MAML2: variants seen among roughly 807,000 people sequenced by gnomAD.
MAML2 encodes mastermind like transcriptional coactivator 2, also known as mastermind-like protein 2.
A neutral mutation model predicts 96.1 loss-of-function variants in MAML2; 22 were observed. That is an observed-to-expected ratio of 0.23 (90% CI 0.16 to 0.33). MAML2 has a LOEUF of 0.33. MAML2 is among the 10% of genes least tolerant of loss of function. MAML2 has a pLI of 1.00. For missense variants in MAML2, 1,367 were observed against 1,392.4 expected (o/e 0.98, Z 0.29); for synonymous variants, 561 against 521.3 (o/e 1.08, Z -1.04).
At chr11:96,192,661 T>C (rs1251597501) in intron 1 of MAML2, among the ~76,000 whole-genome samples, 1 of 152,210 alleles carries the variant, frequency 6.6e-6, no homozygotes, top group Non-Finnish European at 1.5e-5. Context: ...GTCTATATGC[T>C]AGCATTCCTT....
At chr11:96,145,960 G>T (rs1258738724) in intron 1 of MAML2, among the ~76,000 whole-genome samples, 1 of 152,040 alleles carries the variant, frequency 6.6e-6, no homozygotes, top group Non-Finnish European at 1.5e-5. Context: ...AGTGAACCAA[G>T]ATCATGCCAC....
chr11:96,194,777 AG>A (rs1861704717), intron 1 of MAML2, among the ~76,000 whole-genome samples: 1 of 149,450 alleles, frequency 6.7e-6, no homozygotes, highest in Non-Finnish European at 1.5e-5. Context: ...CAGGAAGAAA[AG>A]GCACCACCGA....
intron 2 of MAML2, among the ~76,000 whole-genome samples, chr11:96,039,337 GGAGAGGA>G: frequency 7.0e-6 from 1 of 142,606 alleles, no homozygotes. Flanking sequence ...GGAGGGGAGG[GGAGAGGA>G]GAGAGGAGAC....
At chr11:96,134,949 G>A (rs1439346621) in intron 1 of MAML2, among the ~76,000 whole-genome samples, 2 of 152,240 alleles carry the variant, frequency 1.3e-5, no homozygotes, top group Admixed American at 1.3e-4. Context: ...AGCAGAAGTA[G>A]GGATGATAAT....
rs1554993560 is a variant in MAML2 at position 95,998,174 on chromosome 11, G to GTCTATCTA, written c.2140-6459_2140-6452dup. ...TGTCTGTCTGTCTGTCTGTCTGTCT[G>GTCTATCTA]TCTATCTATCTATCCACCCCATCCA... On this transcript the variant is annotated intron_variant, in intron 2 of 4. Transcript: ENST00000524717. Among the ~76,000 whole-genome samples the GTCTATCTA allele has an allele frequency of 6.1e-3, 905 of 147,778 alleles. 2 individuals are homozygous for GTCTATCTA. The highest frequency in any genetic ancestry group is 0.011 in the Middle Eastern group (3 of 284).
At chr11:96,186,076 T>C (rs1861571122) in intron 1 of MAML2, among the ~76,000 whole-genome samples, 3 of 152,214 alleles carry the variant, frequency 2.0e-5, no homozygotes, top group African/African-American at 7.2e-5. Flanking sequence ...AACCCACAAA[T>C]TCTCCCATTC....
At chr11:96,088,014 C>A (rs571119645) in intron 2 of MAML2, among the ~76,000 whole-genome samples, 1 of 152,270 alleles carries the variant, frequency 6.6e-6, no homozygotes, top group Admixed American at 6.5e-5. Context: ...AATTTGGAAA[C>A]AATTTTCTGT....
At chr11:96,222,860 G>A (rs1002452729) in intron 1 of MAML2, among the ~76,000 whole-genome samples, 2 of 151,980 alleles carry the variant, frequency 1.3e-5, no homozygotes, top group African/African-American at 4.8e-5. Flanking sequence ...AATATTTAAT[G>A]TGATTTAAAT....
chr11:96,097,821 A>T (rs1859857535), intron 1 of MAML2, among the ~76,000 whole-genome samples: 1 of 151,996 alleles, frequency 6.6e-6, no homozygotes, highest in Non-Finnish European at 1.5e-5. Flanking sequence ...TCTGTGGTGT[A>T]AGTCCTTGTT....
At chr11:96,199,811 G>A (rs959198656) in intron 1 of MAML2, among the ~76,000 whole-genome samples, 1 of 152,098 alleles carries the variant, frequency 6.6e-6, no homozygotes, top group South Asian at 2.1e-4. Flanking sequence ...AACATTAATT[G>A]GCAGAAAGCC....
intron 1 of MAML2, among the ~76,000 whole-genome samples, chr11:96,322,864 A>C (rs902428020): frequency 6.6e-6 from 1 of 152,242 alleles, no homozygotes; most frequent in African/African-American, 2.4e-5. Flanking sequence ...TCCTAGAGTT[A>C]GCTGTTGTGT....
intron 1 of MAML2, among the ~76,000 whole-genome samples, chr11:96,184,749 C>G (rs1332490221): frequency 6.6e-6 from 1 of 151,912 alleles, no homozygotes; most frequent in African/African-American, 2.4e-5. Context: ...ACCGCCACAC[C>G]TGTCTAATTT....
intron 1 of MAML2, among the ~76,000 whole-genome samples, chr11:96,329,904 A>G (rs1863831454): frequency 6.6e-6 from 1 of 152,240 alleles, no homozygotes; most frequent in Non-Finnish European, 1.5e-5. Context: ...CCTGTCTGCT[A>G]TACCAGCTAA....
At chr11:96,228,976 A>AC (rs1452236959) in intron 1 of MAML2, among the ~76,000 whole-genome samples, 10 of 152,072 alleles carry the variant, frequency 6.6e-5, no homozygotes, top group South Asian at 2.1e-4. Context: ...GTTGAACAAA[A>AC]AAAAAATGCT....
intron 1 of MAML2, among the ~76,000 whole-genome samples, chr11:96,308,694 G>A (rs1591125361): frequency 6.6e-6 from 1 of 152,094 alleles, no homozygotes; most frequent in Non-Finnish European, 1.5e-5. Flanking sequence ...TTATGTTTCA[G>A]CTTAAATTTA....
intron 1 of MAML2, among the ~76,000 whole-genome samples, chr11:96,305,248 A>G (rs968437494): frequency 6.6e-6 from 1 of 152,202 alleles, no homozygotes; most frequent in Non-Finnish European, 1.5e-5. Context: ...TTAGAGCAGT[A>G]AAATACTCTA....
chr11:96,266,969 A>G (rs992287434), intron 1 of MAML2, among the ~76,000 whole-genome samples: 14 of 152,242 alleles, frequency 9.2e-5, no homozygotes, highest in Non-Finnish European at 1.3e-4. Flanking sequence ...ATCATACATT[A>G]TTTCACATAA....
intron 1 of MAML2, among the ~76,000 whole-genome samples, chr11:96,184,439 CAAATAAAT>C (rs139760069): frequency 0.3 from 43,060 of 145,014 alleles, 6,784 homozygotes; most frequent in East Asian, 0.47. Flanking sequence ...GACTCCATCT[CAAATAAAT>C]AAATAAATAA....
At chr11:96,054,539 G>C (rs1859033227) in intron 2 of MAML2, among the ~76,000 whole-genome samples, 1 of 152,194 alleles carries the variant, frequency 6.6e-6, no homozygotes, top group Non-Finnish European at 1.5e-5. Flanking sequence ...GTGTGGGAGT[G>C]TGACGGTGTT....
Sources: gnomAD v4.1 joint callset for allele counts (sites outside exome capture counted in the v4.1 genomes callset) on GRCh38, gnomAD v4.1.1 for gene constraint, MANE v1.5 for transcripts, NCBI Gene and HGNC (gene_info 2026-07-23, HGNC 2026-07-21) for gene names.